The following FRS2 variants were observed in gnomAD, a reference collection of about 807,000 sequenced individuals.
The protein encoded by FRS2 is FGFR signalling adaptor.
FRS2 carries 8 observed loss-of-function variants against 43.9 expected under a neutral mutation model. The observed-to-expected ratio is 0.18, with a 90% CI of 0.11 to 0.33. The LOEUF (loss-of-function observed/expected upper bound fraction) is 0.33, where lower values mean the gene tolerates loss of function less well. FRS2 is among the 10% of genes least tolerant of loss of function. The pLI, the probability that FRS2 is intolerant of heterozygous loss-of-function variation, is 1.00. For missense variants in FRS2, 534 were observed against 627.6 expected, an observed-to-expected ratio of 0.85 and a Z score of 1.59; for synonymous variants, 219 against 220.3, an observed-to-expected ratio of 0.99 and a Z score of 0.05.
intron 8 of FRS2, 96 bp from the exon 9 acceptor site, chr12:69,573,909 T>C: frequency 1.3e-6 from 1 of 752,536 alleles, no homozygotes. Context: ...TTAATACAGT[T>C]AACTGTTGTC....
At chr12:69,551,372 A>G (rs1047745310) in intron 3 of FRS2, among the ~76,000 whole-genome samples, 134 of 73,698 alleles carry the variant, frequency 1.8e-3, no homozygotes, top group African/African-American at 8.0e-3. Flanking sequence ...AAACAAACAA[A>G]CCCAACTACC....
intron 3 of FRS2, among the ~76,000 whole-genome samples, chr12:69,534,710 G>A (rs1393620080): frequency 6.6e-6 from 1 of 152,148 alleles, no homozygotes; most frequent in East Asian, 1.9e-4. Flanking sequence ...TGTGTGGGCA[G>A]CATGTAGAAA....
chr12:69,572,138 A>C lies in FRS2; in HGVS notation c.433A>C (p.Asn145His), dbSNP rs776809640. Residue 145 changes from asparagine to histidine, a missense_variant, in exon 8 of 9, where the codon AAC becomes CAC. Physicochemically the swap from Asn to His is moderately conservative, Grantham distance 68. Transcript: ENST00000549921. ...CTCAGCTCCAGGATTTGCTGCTCAG[A>C]ACTTACCTAATGGATATCCCCGATA... The part of the protein sequence containing the change: ...TPTTPGFAAQ[N>H]LPNGYPRYPS... The C allele has an allele frequency of 1.5e-5, 24 of 1,613,656 alleles. No homozygotes were observed. The highest frequency in any genetic ancestry group is 4.0e-5 in the African/African-American group (3 of 74,872).
intron 7 of FRS2, among the ~76,000 whole-genome samples, 199 bp downstream of exon 7, chr12:69,571,633 G>A (rs555940877): frequency 2.0e-5 from 3 of 152,152 alleles, no homozygotes; most frequent in South Asian, 2.1e-4. Context: ...AGGCTGAGGC[G>A]GGCAGATCAC....
intron 1 of FRS2, among the ~76,000 whole-genome samples, chr12:69,493,238 G>C (rs1861785277): frequency 6.6e-6 from 1 of 152,146 alleles, no homozygotes; most frequent in Non-Finnish European, 1.5e-5. Context: ...GGGTATGCTT[G>C]AGCTCAGCCT....
In FRS2 at chr12:69,578,358, G is replaced by A. The variant is rs963065168; in HGVS notation, c.*3403G>A. On this transcript the variant is annotated 3_prime_UTR_variant, in exon 9 of 9. Coordinates refer to ENST00000549921, the MANE Select transcript of FRS2 (RefSeq NM_001278356.2). ...TGATGTTTGCCAAATTTGAATAAAG[G>A]CATTGGTACGAAATTACAGAATGTA... The A allele has an allele frequency of 5.9e-5, 9 of 152,498 alleles. No individual in the cohort carries two copies. The highest frequency in any genetic ancestry group is 2.2e-4 in the African/African-American group (9 of 41,408). 9.4% of individuals were successfully genotyped at this position (152,498 alleles called of 1,614,324 possible). A position where few individuals can be genotyped will look rare whatever the true frequency, so the allele number is the denominator to read the frequency against.
Position 69,572,263 on chromosome 12 carries a change from G to A in FRS2, c.558G>A (p.Leu186=), listed in dbSNP as rs1348011558. The part of the protein sequence containing the change: ...PSVGEESTHP[L]LVAEEQVHTY... ...TAGGGGAAGAATCTACACATCCTTT[G>A]CTTGTGGCTGAGGAACAAGTAAGCA... Residue 186 remains leucine (L), a synonymous_variant, in exon 8 of 9, where the codon TTG becomes TTA. Coordinates refer to ENST00000549921, the MANE Select transcript of FRS2 (RefSeq NM_001278356.2). 1.2e-6 allele frequency: 2 copies of A among 1,613,592 alleles called. No individual in the cohort carries two copies. Among genetic ancestry groups the A allele is most frequent in the Non-Finnish European group, 1.7e-6 (2 of 1,179,714 alleles).
rs1285320322 is a variant in FRS2 at position 69,574,575 on chromosome 12, CATA to C, written c.1153_1155del (p.Asn385del). The C allele has an allele frequency of 1.2e-6, 2 of 1,613,872 alleles. No individual in the cohort carries two copies. Among genetic ancestry groups the C allele is most frequent in the Admixed American group, 1.7e-5 (1 of 59,996 alleles). On this transcript the variant is annotated inframe_deletion, in exon 9 of 9. Transcript: ENST00000549921. The stretch of plus-strand genomic sequence containing the variant: ...AAAGACCCCATCTCTAAATGGCTAC[CATA>C]ATAATCTAGATCCAATGCATAACTA...
intron 3 of FRS2, among the ~76,000 whole-genome samples, chr12:69,535,745 G>T (rs1158428738): frequency 1.3e-5 from 2 of 152,038 alleles, no homozygotes; most frequent in Non-Finnish European, 2.9e-5. Context: ...TTGGATTCGG[G>T]TTTAGTTTTA....
At chr12:69,569,693 C>A (rs1349704539) in intron 5 of FRS2, among the ~76,000 whole-genome samples, 1 of 152,104 alleles carries the variant, frequency 6.6e-6, no homozygotes, top group Non-Finnish European at 1.5e-5. Flanking sequence ...GTCTTAATTC[C>A]ATTTTTGTAC....
In FRS2 at chr12:69,575,053, G is replaced by C. The variant is rs1881095795; in HGVS notation, c.*98G>C. On this transcript the variant is annotated 3_prime_UTR_variant, in exon 9 of 9. Transcript: ENST00000549921. ...TTTCTAAACACTAACTCCTTTTATA[G>C]ACTGATAAAATTTTTTTCTGAATAT... The C allele has an allele frequency of 5.2e-6, 4 of 769,146 alleles. No homozygotes were observed. Among genetic ancestry groups the C allele is most frequent in the Non-Finnish European group, 8.5e-6 (4 of 468,406 alleles). The allele number at this position is 769,146 out of a possible 1,614,324, so 47.6% of individuals were successfully genotyped here. A position where few individuals can be genotyped will look rare whatever the true frequency, so the allele number is the denominator to read the frequency against.
chr12:69,540,398 G>A (rs1877791613), intron 3 of FRS2, among the ~76,000 whole-genome samples: 1 of 151,466 alleles, frequency 6.6e-6, no homozygotes, highest in Non-Finnish European at 1.5e-5. Flanking sequence ...TGTCAAAGGG[G>A]CATAGGAGTC....
chr12:69,574,129 G>A lies in FRS2; in HGVS notation c.701G>A (p.Ser234Asn). The A allele has an allele frequency of 1.9e-6, 3 of 1,614,008 alleles. No homozygotes were observed. Among genetic ancestry groups the A allele is most frequent in the Non-Finnish European group, 2.5e-6 (3 of 1,179,816 alleles). The change falls in exon 9 of 9, where the codon AGT becomes AAT. Residue 234 changes from serine to asparagine, a missense_variant. Physicochemically the swap from Ser to Asn is conservative, Grantham distance 46 (BLOSUM62 1). Transcript: ENST00000549921. ...ESSTPKEEPS[S>N]IEDRDPQILL... ...AGCACACCAAAAGAAGAACCAAGTA[G>A]TATTGAGGACAGGGATCCTCAGATT...
intron 1 of FRS2, among the ~76,000 whole-genome samples, chr12:69,506,267 G>A (rs933143776): frequency 6.6e-6 from 1 of 151,852 alleles, no homozygotes; most frequent in African/African-American, 2.4e-5. Flanking sequence ...GTTTGTTTTT[G>A]TTTTTTGTTT....
At chr12:69,480,068 G>C (rs1179050175) in intron 1 of FRS2, among the ~76,000 whole-genome samples, 1 of 152,016 alleles carries the variant, frequency 6.6e-6, no homozygotes. Context: ...CCAGTTTATT[G>C]AATTTAAAAA....
At chr12:69,553,313 C>T (rs951679810) in intron 3 of FRS2, among the ~76,000 whole-genome samples, 66 of 152,182 alleles carry the variant, frequency 4.3e-4, no homozygotes, top group African/African-American at 1.3e-3. Flanking sequence ...CCTCATGATC[C>T]GCCTGCCTCA....
intron 4 of FRS2, among the ~76,000 whole-genome samples, chr12:69,563,221 C>A (rs562192229): frequency 6.6e-6 from 1 of 152,024 alleles, no homozygotes; most frequent in Non-Finnish European, 1.5e-5. Flanking sequence ...TGCAGAATAT[C>A]TAGTATCTAG....
At chr12:69,519,033 T>C (rs768855652) in intron 1 of FRS2, among the ~76,000 whole-genome samples, 24 of 151,944 alleles carry the variant, frequency 1.6e-4, no homozygotes, top group Non-Finnish European at 1.8e-4. Context: ...CTGGTTTTCA[T>C]TGACTTCTAT....
chr12:69,569,811 G>A (rs1880596133), intron 5 of FRS2, among the ~76,000 whole-genome samples: 1 of 152,128 alleles, frequency 6.6e-6, no homozygotes, highest in Admixed American at 6.5e-5. Flanking sequence ...CTTAGTCTTT[G>A]GATGTTTTCT....
Sources: allele counts gnomAD v4.1 joint callset (sites outside exome capture counted in the v4.1 genomes callset), GRCh38; gene constraint gnomAD v4.1.1; transcripts MANE v1.5; gene names NCBI Gene and HGNC (gene_info 2026-07-23, HGNC 2026-07-21).